The following CUL1 variants were observed in gnomAD, a reference collection of about 807,000 sequenced individuals.
CUL1 encodes the protein cullin-1.
CUL1 carries 24 observed loss-of-function variants against 118.0 expected under a neutral mutation model. That is an observed-to-expected ratio of 0.20 (90% confidence interval 0.15 to 0.29). CUL1 has a LOEUF of 0.29. CUL1 is among the 10% of genes least tolerant of loss of function. The pLI, the probability that CUL1 is intolerant of heterozygous loss-of-function variation, is 1.00. For synonymous variants in CUL1, 332 were observed against 340.4 expected (o/e 0.98, Z 0.27); for missense variants, 361 against 933.8 (o/e 0.39, Z 7.99).
At chr7:148,765,653 A>C (rs1799980967) in intron 7 of CUL1, among the ~76,000 whole-genome samples, 1 of 152,196 alleles carries the variant, frequency 6.6e-6, no homozygotes, top group Non-Finnish European at 1.5e-5. Context: ...TATTTAAAAC[A>C]AAAATCATTT....
intron 4 of CUL1, among the ~76,000 whole-genome samples, chr7:148,757,810 C>T (rs1183901187): frequency 1.3e-5 from 2 of 152,140 alleles, no homozygotes; most frequent in African/African-American, 4.8e-5. Flanking sequence ...TAGATGGCGG[C>T]AGGCAAGACA....
At chr7:148,786,928 G>A in intron 12 of CUL1, 61 bp from the exon 13 acceptor site, 2 of 1,580,186 alleles carry the variant, frequency 1.3e-6, no homozygotes, top group Non-Finnish European at 1.7e-6. Context: ...GTGACAGTCA[G>A]CTCTGCACTG....
intron 2 of CUL1, among the ~76,000 whole-genome samples, chr7:148,739,082 A>G (rs1249881872): frequency 1.3e-5 from 2 of 152,186 alleles, no homozygotes; most frequent in Admixed American, 6.5e-5. Context: ...CACACCTCAT[A>G]ATTCAGGAAT....
chr7:148,731,322 A>G (rs1798756780), intron 2 of CUL1, among the ~76,000 whole-genome samples: 1 of 152,202 alleles, frequency 6.6e-6, no homozygotes, highest in Non-Finnish European at 1.5e-5. Context: ...TAAAGTCTTC[A>G]GGTTTGATAG....
chr7:148,759,062 C>T (rs243477), intron 4 of CUL1, among the ~76,000 whole-genome samples: 101,633 of 152,090 alleles, frequency 0.67, 35,907 homozygotes, highest in African/African-American at 0.91. Context: ...TATACTGTTT[C>T]CAACAACAGT....
chr7:148,733,879 ACTT>A (rs1490960125), intron 2 of CUL1, among the ~76,000 whole-genome samples: 1 of 152,180 alleles, frequency 6.6e-6, no homozygotes, highest in African/African-American at 2.4e-5. Flanking sequence ...AAAAGCAACT[ACTT>A]CTTGCTGTAA....
chr7:148,712,621 G>T (rs537169394), intron 1 of CUL1, among the ~76,000 whole-genome samples: 1 of 152,322 alleles, frequency 6.6e-6, no homozygotes, highest in East Asian at 1.9e-4. Flanking sequence ...GTGTTAACAT[G>T]AATAGTAGCA....
intron 2 of CUL1, among the ~76,000 whole-genome samples, chr7:148,742,277 T>A (rs1374532858): frequency 6.6e-6 from 1 of 152,146 alleles, no homozygotes; most frequent in Non-Finnish European, 1.5e-5. Context: ...GACTCAGAGT[T>A]CCACGTGGCT....
intron 1 of CUL1, among the ~76,000 whole-genome samples, chr7:148,725,061 CAG>C (rs981672664): frequency 2.0e-4 from 30 of 152,200 alleles, no homozygotes; most frequent in African/African-American, 6.0e-4. Context: ...TCAACATTAA[CAG>C]AGAAGCAAGT....
At chr7:148,758,655 A>C (rs1799737941) in intron 4 of CUL1, among the ~76,000 whole-genome samples, 1 of 152,212 alleles carries the variant, frequency 6.6e-6, no homozygotes, top group Non-Finnish European at 1.5e-5. Flanking sequence ...CAGATGCATG[A>C]CTAGTTTTTA....
chr7:148,699,557 G>C (rs1421148638), intron 1 of CUL1, among the ~76,000 whole-genome samples: 1 of 152,194 alleles, frequency 6.6e-6, no homozygotes, highest in East Asian at 1.9e-4. Context: ...GGGCTCAAGC[G>C]CAGGAGCAGC....
intron 7 of CUL1, among the ~76,000 whole-genome samples, chr7:148,762,945 G>T: frequency 6.6e-6 from 1 of 152,292 alleles, no homozygotes; most frequent in Non-Finnish European, 1.5e-5. Flanking sequence ...TCGGGAGTTC[G>T]AGACCAGCCT....
At chr7:148,775,311 T>A (rs1800359775) in intron 9 of CUL1, among the ~76,000 whole-genome samples, 2 of 152,154 alleles carry the variant, frequency 1.3e-5, no homozygotes, top group African/African-American at 4.8e-5. Context: ...ACATTTGGAG[T>A]GTAACCCAGC....
chr7:148,776,300 A>T (rs1312495963), intron 9 of CUL1, among the ~76,000 whole-genome samples: 1 of 90,346 alleles, frequency 1.1e-5, no homozygotes, highest in Non-Finnish European at 2.1e-5. Flanking sequence ...AGTCTAACAT[A>T]ACCAGGCTTT....
At chr7:148,778,062 C>A (rs1462681908) in intron 9 of CUL1, among the ~76,000 whole-genome samples, 5 of 32,402 alleles carry the variant, frequency 1.5e-4, no homozygotes, top group African/African-American at 5.4e-4. Flanking sequence ...CAGAAGAAGA[C>A]CCTGTCTCAA....
At position 148,786,072 on chromosome 7, in the gene CUL1, A is replaced by G. The variant is rs1176214781; in HGVS notation, c.1299-479A>G. 2.0e-5 allele frequency among the ~76,000 whole-genome samples: 3 copies of G among 152,210 alleles called. No individual in the cohort carries two copies. In the East Asian group the frequency reaches 5.8e-4, roughly 29 times the overall value. ...CATAGAATGAATCAGTTGTTAAAGG[A>G]CAATCATCTCTTGTATATACAACTA... On this transcript the variant is annotated intron_variant, in intron 11 of 21. Coordinates refer to ENST00000325222, the MANE Select transcript of CUL1 (RefSeq NM_003592.3).
At chr7:148,724,541 T>C (rs1798498663) in intron 1 of CUL1, among the ~76,000 whole-genome samples, 1 of 152,186 alleles carries the variant, frequency 6.6e-6, no homozygotes, top group Non-Finnish European at 1.5e-5. Context: ...TGCCATTGCT[T>C]CTTGTCCTTG....
chr7:148,728,469 C>CG (rs1798655350), intron 1 of CUL1, among the ~76,000 whole-genome samples: 1 of 152,054 alleles, frequency 6.6e-6, no homozygotes, highest in South Asian at 2.1e-4. Flanking sequence ...TCAGATGCAC[C>CG]ACCAGTCCAA....
intron 9 of CUL1, among the ~76,000 whole-genome samples, chr7:148,779,737 T>A (rs372898236): frequency 6.6e-6 from 1 of 152,204 alleles, no homozygotes; most frequent in South Asian, 2.1e-4. Flanking sequence ...CAAGTTGTGA[T>A]GATTAATATT....
Sources: allele counts gnomAD v4.1 joint callset (sites outside exome capture counted in the v4.1 genomes callset), GRCh38; gene constraint gnomAD v4.1.1; transcripts MANE v1.5; gene names NCBI Gene and HGNC (gene_info 2026-07-23, HGNC 2026-07-21).